Variants in C3orf20 observed in about 807,000 individuals in gnomAD.
The protein encoded by C3orf20 is uncharacterized protein C3orf20.
In C3orf20, 76 loss-of-function variants were observed where a neutral mutation model predicts 88.3. The ratio of observed to expected loss-of-function variants is 0.86; its 90% CI spans 0.72 to 1.04. The LOEUF (loss-of-function observed/expected upper bound fraction) is 1.04, where lower values mean the gene tolerates loss of function less well. C3orf20 is among the 50% of genes least tolerant of loss of function. The pLI is 0.00. For synonymous variants in C3orf20, 436 were observed against 437.4 expected (o/e 1.00, Z 0.04); for missense variants, 1,056 against 1,123.3 (o/e 0.94, Z 0.86).
chr3:14,692,163 T>G (rs1235469813), intron 5 of C3orf20, among the ~76,000 whole-genome samples: 1 of 152,238 alleles, frequency 6.6e-6, no homozygotes, highest in Non-Finnish European at 1.5e-5. Flanking sequence ...GACACTTAGA[T>G]TGCTTCCAAC....
intron 5 of C3orf20, among the ~76,000 whole-genome samples, chr3:14,695,826 C>T (rs10470639): frequency 0.83 from 126,654 of 152,116 alleles, 52,842 homozygotes; most frequent in Non-Finnish European, 0.87. Context: ...TTGATTTCCA[C>T]TGGCATGTAA....
rs80225394 is a variant in C3orf20, at chr3:14,742,567, A to C, written c.1940+13879A>C. On this transcript the variant is annotated intron_variant, in intron 12 of 16. Transcript: ENST00000253697. ...GAACCTAGTCCTAAAATCCTGAGAA[A>C]GTTATGAGAATTGGCCTCTTTAGGA... 1.0e-3 allele frequency among the ~76,000 whole-genome samples: 157 copies of C among 152,326 alleles called. 1 individual carries two copies. Among genetic ancestry groups the C allele is most frequent in the African/African-American group, 3.6e-3 (150 of 41,576 alleles).
At position 14,770,987 on chromosome 3, in the gene C3orf20, G is replaced by C. The variant is rs2035846327; in HGVS notation, c.2496-1080G>C. On this transcript the variant is annotated intron_variant, in intron 15 of 16. Transcript: ENST00000253697. ...AATAGCCACGTTTGTGTTGGCTGGA[G>C]CTGCTGTAACAAGGGGCTGTGGTCT... Among the ~76,000 whole-genome samples, 2 of 152,270 alleles carry C rather than the reference G, an allele frequency of 1.3e-5. 1 individual carries two copies. Among genetic ancestry groups the C allele is most frequent in the South Asian group, 4.1e-4 (2 of 4,834 alleles).
chr3:14,685,477 TCTCTGTGC>T (rs1487440783), intron 4 of C3orf20, among the ~76,000 whole-genome samples: 3 of 107,214 alleles, frequency 2.8e-5, no homozygotes, highest in Non-Finnish European at 4.0e-5. Context: ...TCTCTCTCTC[TCTCTGTGC>T]GTGCGTGCGT....
intron 12 of C3orf20, among the ~76,000 whole-genome samples, chr3:14,753,676 G>T (rs1428039238): frequency 6.6e-6 from 1 of 152,008 alleles, no homozygotes; most frequent in Non-Finnish European, 1.5e-5. Context: ...TTAGAATGTG[G>T]TAACCCTGGA....
intron 5 of C3orf20, among the ~76,000 whole-genome samples, chr3:14,702,223 A>T (rs1355454356): frequency 6.6e-6 from 1 of 152,108 alleles, no homozygotes; most frequent in Non-Finnish European, 1.5e-5. Flanking sequence ...CAAAAGCAGA[A>T]ATGCCTGATG....
chr3:14,695,908 G>C (rs902001010), intron 5 of C3orf20, among the ~76,000 whole-genome samples: 1 of 151,864 alleles, frequency 6.6e-6, no homozygotes, highest in Non-Finnish European at 1.5e-5. Flanking sequence ...TGATCATGGG[G>C]TCTTGTTTTT....
At chr3:14,762,073 T>TTTTG (rs1452268234) in intron 15 of C3orf20, among the ~76,000 whole-genome samples, 5 of 152,150 alleles carry the variant, frequency 3.3e-5, no homozygotes, top group African/African-American at 1.2e-4. Flanking sequence ...TGCTTTGTTT[T>TTTTG]TTTGTTTGTT....
intron 12 of C3orf20, among the ~76,000 whole-genome samples, chr3:14,748,870 A>G (rs537626920): frequency 2.0e-5 from 3 of 152,244 alleles, no homozygotes; most frequent in South Asian, 4.1e-4. Context: ...GTGGTCTCAT[A>G]TATAGTCTGT....
intron 5 of C3orf20, among the ~76,000 whole-genome samples, chr3:14,690,902 G>A (rs893455583): frequency 3.9e-5 from 6 of 152,224 alleles, no homozygotes; most frequent in Non-Finnish European, 8.8e-5. Context: ...GGTAAGGCTG[G>A]AAGCCAAGGA....
chr3:14,771,176 A>T (rs1368051550), intron 15 of C3orf20, among the ~76,000 whole-genome samples: 1 of 152,236 alleles, frequency 6.6e-6, no homozygotes, highest in African/African-American at 2.4e-5. Context: ...TCCCTGTGTG[A>T]AGTTATGAGA....
intron 4 of C3orf20, among the ~76,000 whole-genome samples, chr3:14,684,931 C>A (rs954141352): frequency 6.6e-6 from 1 of 152,180 alleles, no homozygotes; most frequent in African/African-American, 2.4e-5. Context: ...TGCCTGTAAT[C>A]CCAGCACTTT....
rs984509496 is a variant in C3orf20, at chr3:14,761,463, C to G, written c.2353-10C>G. On this transcript the variant is annotated splice_polypyrimidine_tract_variant and intron_variant, in intron 14 of 16. Coordinates refer to ENST00000253697, the MANE Select transcript of C3orf20 (RefSeq NM_032137.5). Reference sequence around the variant, plus strand: ...CTGAGGATCTCTCCTCATTTCCTTCCTGTCAACAGATGTTTGCCGGGGGGA... The same window carrying G: ...CTGAGGATCTCTCCTCATTTCCTTCGTGTCAACAGATGTTTGCCGGGGGGA... 7.4e-6 allele frequency: 12 copies of G among 1,614,034 alleles called. No individual in the cohort carries two copies. Among genetic ancestry groups the G allele is most frequent in the Non-Finnish European group, 1.0e-5 (12 of 1,179,996 alleles).
chr3:14,703,061 G>A (rs2033340293), intron 5 of C3orf20, 69 bp from the exon 6 acceptor site: 1 of 1,569,574 alleles, frequency 6.4e-7, no homozygotes, highest in Non-Finnish European at 8.7e-7. Context: ...ACATCCAGGT[G>A]ACACTGATGC....
chr3:14,685,894 G>A (rs1043046100), intron 4 of C3orf20, among the ~76,000 whole-genome samples: 6 of 113,146 alleles, frequency 5.3e-5, no homozygotes, highest in East Asian at 2.8e-4. Context: ...ACGGAGTCTC[G>A]CTCTGTTGCC....
chr3:14,703,191 T>C lies in C3orf20; in HGVS notation c.807T>C (p.Pro269=), dbSNP rs1292137868. Reference sequence around the variant, plus strand: ...CCCTGCATCGAGGAGTGGGAACCCCTGCCAACAGCCTGGAGTTCAGCGACC... The same window carrying C: ...CCCTGCATCGAGGAGTGGGAACCCCCGCCAACAGCCTGGAGTTCAGCGACC... ...MPPLHRGVGT[P]ANSLEFSDPC... The change falls in exon 6 of 17, where the codon CCT becomes CCC. Residue 269 remains proline, a synonymous_variant. Transcript: ENST00000253697. 1.9e-6 allele frequency: 3 copies of C among 1,614,192 alleles called. No individual in the cohort carries two copies. The East Asian group carries it at 6.7e-5, about 36-fold the overall frequency.
At chr3:14,757,985 G>T (rs150854319) in intron 13 of C3orf20, among the ~76,000 whole-genome samples, 2 of 152,200 alleles carry the variant, frequency 1.3e-5, no homozygotes, top group Non-Finnish European at 2.9e-5. Flanking sequence ...CTGCTTGTTG[G>T]TGTGAATATT....
chr3:14,747,789 T>C (rs1275442354), intron 12 of C3orf20, among the ~76,000 whole-genome samples: 1 of 152,106 alleles, frequency 6.6e-6, no homozygotes, highest in Non-Finnish European at 1.5e-5. Context: ...TTGACCTTTT[T>C]TTAAAAAATG....
At chr3:14,682,536 A>G in intron 2 of C3orf20, 42 bp from the exon 3 acceptor site, 1 of 807,346 alleles carries the variant, frequency 1.2e-6, no homozygotes, top group Middle Eastern at 3.7e-4. Flanking sequence ...TTGCCCTACT[A>G]TGGGGAGAGT....
Sources: gnomAD v4.1 joint callset for allele counts (sites outside exome capture counted in the v4.1 genomes callset) on GRCh38, gnomAD v4.1.1 for gene constraint, MANE v1.5 for transcripts, NCBI Gene and HGNC (gene_info 2026-07-23, HGNC 2026-07-21) for gene names.